The following DGKB variants were observed in gnomAD, a reference collection of about 807,000 sequenced individuals.
DGKB encodes 90 kDa diacylglycerol kinase.
Under a neutral mutation model 114.3 loss-of-function variants are expected in DGKB, and 67 were observed. The observed-to-expected ratio is 0.59, with a 90% CI of 0.48 to 0.72. The LOEUF (loss-of-function observed/expected upper bound fraction) is 0.72. Among genes scored for constraint, DGKB ranks in the 30% least tolerant of loss-of-function variants. The pLI is 0.00. For synonymous variants in DGKB, 398 were observed against 323.1 expected, an observed-to-expected ratio of 1.23 and a Z score of -2.49; for missense variants, 907 against 975.2, an observed-to-expected ratio of 0.93 and a Z score of 0.93.
intron 9 of DGKB, among the ~76,000 whole-genome samples, chr7:14,690,660 G>C (rs976241895): frequency 3.9e-5 from 6 of 152,196 alleles, no homozygotes; most frequent in African/African-American, 1.4e-4. Context: ...TGGAACAGCA[G>C]AGTTTAGCAG....
At chr7:14,846,556 G>C (rs1352388998) in intron 1 of DGKB, among the ~76,000 whole-genome samples, 1 of 152,230 alleles carries the variant, frequency 6.6e-6, no homozygotes, top group Non-Finnish European at 1.5e-5. Context: ...TCATAAATGG[G>C]TAGAAAGAAT....
chr7:14,249,215 C>A (rs931741920), intron 23 of DGKB, among the ~76,000 whole-genome samples: 1 of 152,004 alleles, frequency 6.6e-6, no homozygotes, highest in African/African-American at 2.4e-5. Context: ...TAGTGTATGA[C>A]CCTTTTAATG....
chr7:14,810,919 G>A (rs1388803484), intron 2 of DGKB, among the ~76,000 whole-genome samples: 6 of 152,080 alleles, frequency 3.9e-5, no homozygotes, highest in Non-Finnish European at 8.8e-5. Context: ...TACTTACAAA[G>A]TCTTTGACAT....
intron 21 of DGKB, among the ~76,000 whole-genome samples, chr7:14,376,220 C>G (rs750580894): frequency 1.7e-4 from 26 of 152,192 alleles, no homozygotes; most frequent in Non-Finnish European, 2.8e-4. Flanking sequence ...GAGGCACCCA[C>G]AGCAGCTGTG....
At chr7:14,829,237 G>T (rs917116119) in intron 2 of DGKB, among the ~76,000 whole-genome samples, 5 of 151,982 alleles carry the variant, frequency 3.3e-5, no homozygotes, top group African/African-American at 1.2e-4. Flanking sequence ...CTACTTTTTG[G>T]TATTGACCCA....
chr7:14,344,924 G>A (rs1235022977), intron 22 of DGKB, among the ~76,000 whole-genome samples: 1 of 151,560 alleles, frequency 6.6e-6, no homozygotes, highest in African/African-American at 2.4e-5. Flanking sequence ...TTAGCAAAGT[G>A]TGTTTTAAAG....
chr7:14,262,953 T>A (rs1796986734), intron 23 of DGKB, among the ~76,000 whole-genome samples: 1 of 151,842 alleles, frequency 6.6e-6, no homozygotes, highest in African/African-American at 2.4e-5. Flanking sequence ...CCATTACACA[T>A]CAAGGAAGAT....
At chr7:14,160,694 TA>T in intron 25 of DGKB, among the ~76,000 whole-genome samples, 1 of 152,294 alleles carries the variant, frequency 6.6e-6, no homozygotes, top group Non-Finnish European at 1.5e-5. Context: ...CCATACTGCC[TA>T]AAGTAATTTA....
At chr7:14,665,046 C>G (rs907806062) in intron 13 of DGKB, among the ~76,000 whole-genome samples, 10 of 151,910 alleles carry the variant, frequency 6.6e-5, no homozygotes, top group Non-Finnish European at 1.3e-4. Flanking sequence ...TCATATAAAA[C>G]AATGGTTACT....
chr7:14,624,336 T>C (rs77253926), intron 14 of DGKB, among the ~76,000 whole-genome samples: 1 of 152,334 alleles, frequency 6.6e-6, no homozygotes, highest in African/African-American at 2.4e-5. Flanking sequence ...CTTAATACAG[T>C]TATTCTTCCT....
intron 20 of DGKB, among the ~76,000 whole-genome samples, chr7:14,481,448 C>T (rs1250908682): frequency 1.3e-5 from 2 of 151,760 alleles, no homozygotes; most frequent in Non-Finnish European, 2.9e-5. Context: ...AATAGAGGTA[C>T]CCAAATATTG....
At chr7:14,554,145 T>C (rs951094136) in intron 20 of DGKB, among the ~76,000 whole-genome samples, 1 of 152,104 alleles carries the variant, frequency 6.6e-6, no homozygotes, top group African/African-American at 2.4e-5. Flanking sequence ...GTGCTGGGAT[T>C]ACAGGTGTGA....
At chr7:14,829,194 C>T (rs1388984110) in intron 2 of DGKB, among the ~76,000 whole-genome samples, 1 of 152,050 alleles carries the variant, frequency 6.6e-6, no homozygotes, top group African/African-American at 2.4e-5. Context: ...AGGCGCCCCA[C>T]CTTCTGCTAC....
In DGKB at chr7:14,710,312, T is replaced by C. The variant is rs573870401; in HGVS notation, c.466+8230A>G. Among the ~76,000 whole-genome samples the C allele has an allele frequency of 6.6e-5, 10 of 152,288 alleles. No individual in the cohort carries two copies. In the East Asian group the frequency reaches 1.7e-3, roughly 26 times the overall value. ...AATTTCTTAAATTTTATTTACCTAT[T>C]ATTAGTTGATGTCATACAGAAATAC... On this transcript the variant is annotated intron_variant, in intron 6 of 25. Coordinates refer to ENST00000402815, the MANE Select transcript of DGKB (RefSeq NM_001350709.2).
intron 23 of DGKB, among the ~76,000 whole-genome samples, chr7:14,263,473 A>G (rs1005521695): frequency 6.6e-6 from 1 of 152,216 alleles, no homozygotes; most frequent in African/African-American, 2.4e-5. Context: ...TTCCTGAAGT[A>G]TGCCATTTTC....
intron 25 of DGKB, among the ~76,000 whole-genome samples, chr7:14,158,827 A>G (rs529426018): frequency 6.6e-6 from 1 of 152,264 alleles, no homozygotes; most frequent in East Asian, 1.9e-4. Context: ...GTTCAAAATG[A>G]TCCAGAAACC....
intron 23 of DGKB, among the ~76,000 whole-genome samples, chr7:14,270,962 A>T (rs1318256838): frequency 1.3e-5 from 2 of 152,236 alleles, no homozygotes; most frequent in Non-Finnish European, 2.9e-5. Context: ...AGTAAATCAC[A>T]GATAATAATA....
intron 23 of DGKB, among the ~76,000 whole-genome samples, chr7:14,325,807 C>T (rs17168069): frequency 0.032 from 4,889 of 152,150 alleles, 163 homozygotes; most frequent in Admixed American, 0.096. Flanking sequence ...TACTGGTCCA[C>T]GGTTAGAAAA....
At chr7:14,150,808 CCT>C (rs1229031923) in intron 25 of DGKB, among the ~76,000 whole-genome samples, 1 of 152,010 alleles carries the variant, frequency 6.6e-6, no homozygotes, top group Non-Finnish European at 1.5e-5. Context: ...GATTTAAACT[CCT>C]CTGAAATTCT....
Sources: gnomAD v4.1 joint callset for allele counts (sites outside exome capture counted in the v4.1 genomes callset) on GRCh38, gnomAD v4.1.1 for gene constraint, MANE v1.5 for transcripts, NCBI Gene and HGNC (gene_info 2026-07-23, HGNC 2026-07-21) for gene names.